Variants in TDRD9 observed in about 807,000 individuals in gnomAD.
TDRD9 encodes the protein tudor domain containing 9.
In TDRD9, 124 loss-of-function variants were observed where a neutral mutation model predicts 172.6. The observed-to-expected ratio is 0.72, with a 90% confidence interval of 0.62 to 0.83. TDRD9 has a LOEUF of 0.83. Ranked by LOEUF, TDRD9 falls within the 40% of genes least tolerant of loss-of-function variation. The probability of loss-of-function intolerance (pLI) is 0.00; values close to 1 mark genes in which losing one functional copy is unlikely to be tolerated. For missense variants in TDRD9, 1,479 were observed against 1,714.1 expected, an observed-to-expected ratio of 0.86 and a Z score of 2.42; for synonymous variants, 619 against 617.1, an observed-to-expected ratio of 1.00 and a Z score of -0.05.
rs1182631269 is a variant in TDRD9, at chr14:103,966,762, T to C, written c.696T>C (p.Thr232=). The change falls in exon 5 of 36, where the codon ACT becomes ACC. Residue 232 remains threonine, a synonymous_variant. Transcript: ENST00000409874. ...TEDTRLIYMT[T]GVLLQKIVSA... ...ACACCAGGCTAATTTATATGACAACTGGAGTCCTGCTTCAGAAAATAGTTA... is the reference window on the plus strand; with the variant it reads ...ACACCAGGCTAATTTATATGACAACCGGAGTCCTGCTTCAGAAAATAGTTA... The C allele has an allele frequency of 1.3e-6, 2 of 1,551,206 alleles. No homozygotes were observed. Among genetic ancestry groups the C allele is most frequent in the African/African-American group, 1.4e-5 (1 of 73,032 alleles).
intron 13 of TDRD9, among the ~76,000 whole-genome samples, chr14:104,000,098 C>T (rs192537649): frequency 2.6e-5 from 4 of 151,984 alleles, no homozygotes; most frequent in African/African-American, 9.7e-5. Flanking sequence ...GAGACTGAGG[C>T]GGGTAGATGC....
chr14:103,938,198 T>C (rs2152117433), intron 1 of TDRD9, among the ~76,000 whole-genome samples: 1 of 152,142 alleles, frequency 6.6e-6, no homozygotes, highest in Middle Eastern at 3.4e-3. Context: ...TGGATTGGGC[T>C]GGCTAGTAAT....
chr14:103,965,377 G>A lies in TDRD9; in HGVS notation c.465G>A (p.Gly155=). Residue 155 remains glycine, a synonymous_variant, in exon 4 of 36, where the codon GGG becomes GGA. Coordinates refer to ENST00000409874, the MANE Select transcript of TDRD9 (RefSeq NM_153046.3). ...GTAATTCCGTGGTGATTATCCATGG[G>A]GCCACGGGAAGCGGTAAAAGCACTC... ...IESNSVVIIH[G]ATGSGKSTQL... is the part of the protein sequence containing the mutation. 1 of 1,551,610 alleles carries A rather than the reference G, an allele frequency of 6.4e-7. No homozygotes were observed. The highest frequency in any genetic ancestry group is 8.7e-7 in the Non-Finnish European group (1 of 1,146,984).
intron 1 of TDRD9, among the ~76,000 whole-genome samples, chr14:103,930,760 A>G (rs1473910143): frequency 6.6e-6 from 1 of 152,184 alleles, no homozygotes; most frequent in Non-Finnish European, 1.5e-5. Flanking sequence ...ATGGTCCATC[A>G]CTTACTCCTT....
intron 6 of TDRD9, 66 bp downstream of exon 6, chr14:103,970,687 C>T (rs2032983087): frequency 2.3e-6 from 3 of 1,311,438 alleles, no homozygotes; most frequent in Admixed American, 4.0e-5. Flanking sequence ...TTTTGTTTCT[C>T]TCTATAGTCT....
intron 1 of TDRD9, chr14:103,941,619 A>G (rs2031240905): frequency 6.5e-7 from 1 of 1,535,208 alleles, no homozygotes; most frequent in Non-Finnish European, 8.7e-7. Flanking sequence ...AGTCTTTGTC[A>G]CTATGTCTGA....
At chr14:103,972,031 T>G (rs957978520) in intron 6 of TDRD9, among the ~76,000 whole-genome samples, 3 of 151,966 alleles carry the variant, frequency 2.0e-5, no homozygotes, top group African/African-American at 7.2e-5. Flanking sequence ...GTGGTGTGTG[T>G]CTGTGGTCCC....
chr14:103,953,118 A>G (rs958307340), intron 1 of TDRD9, among the ~76,000 whole-genome samples: 28 of 152,180 alleles, frequency 1.8e-4, no homozygotes, highest in African/African-American at 6.3e-4. Flanking sequence ...CCATGCTGTT[A>G]AACTAAAAGT....
chr14:104,016,190 C>A, intron 22 of TDRD9, 102 bp downstream of exon 22: 1 of 821,718 alleles, frequency 1.2e-6, no homozygotes. Flanking sequence ...GAATTTTCCC[C>A]TGGCGTGAAT....
chr14:104,033,195 C>A (rs1174588054), intron 30 of TDRD9, among the ~76,000 whole-genome samples: 1 of 152,180 alleles, frequency 6.6e-6, no homozygotes, highest in Non-Finnish European at 1.5e-5. Flanking sequence ...CTCAAAATGT[C>A]TTCCGGGGAG....
intron 34 of TDRD9, among the ~76,000 whole-genome samples, chr14:104,048,453 G>A (rs552884733): frequency 2.6e-5 from 4 of 152,066 alleles, no homozygotes; most frequent in Non-Finnish European, 5.9e-5. Context: ...GGCTTCCTAG[G>A]TGTTGTCCTT....
intron 29 of TDRD9, among the ~76,000 whole-genome samples, 171 bp downstream of exon 29, chr14:104,031,434 GT>G (rs754168905): frequency 2.8e-5 from 4 of 144,004 alleles, no homozygotes; most frequent in Non-Finnish European, 6.1e-5. Context: ...CTGGGGTTTA[GT>G]GTTTAGTGGG....
chr14:104,040,325 T>A lies in TDRD9; in HGVS notation c.3846T>A (p.Asp1282Glu). Residue 1282 changes from aspartate to glutamate, a missense_variant, in exon 33 of 36, where the codon GAT becomes GAA. Coordinates refer to ENST00000409874, the MANE Select transcript of TDRD9 (RefSeq NM_153046.3). ...LAFDVQFSVEDVVEVNILRAA... is the reference protein window; with the variant it reads ...LAFDVQFSVEEVVEVNILRAA... ...TTGACGTTCAATTCAGCGTGGAGGA[T>A]GTCGTCGAGGTAAGGGTAGTGCAGC... 6.5e-7 allele frequency: 1 copy of A among 1,550,172 alleles called. No individual in the cohort carries two copies. Among genetic ancestry groups the A allele is most frequent in the Non-Finnish European group, 8.7e-7 (1 of 1,146,006 alleles).
At chr14:103,994,132 C>T (rs1424496064) in intron 9 of TDRD9, among the ~76,000 whole-genome samples, 200 bp from the exon 10 acceptor site, 1 of 152,088 alleles carries the variant, frequency 6.6e-6, no homozygotes, top group African/African-American at 2.4e-5. Context: ...AGGGTTTTTC[C>T]CTATATTTTT....
chr14:103,941,969 C>G, intron 1 of TDRD9: 2 of 373,240 alleles, frequency 5.4e-6, no homozygotes, highest in South Asian at 1.0e-4. Flanking sequence ...GAATGATATC[C>G]GAAAATAACA....
chr14:104,007,277 C>A, intron 19 of TDRD9, 73 bp downstream of exon 19: 2 of 1,441,648 alleles, frequency 1.4e-6, no homozygotes, highest in South Asian at 1.2e-5. Context: ...TTGGTACAGT[C>A]ATAGCGTGTG....
At chr14:103,937,357 A>G (rs1462578055) in intron 1 of TDRD9, among the ~76,000 whole-genome samples, 1 of 152,114 alleles carries the variant, frequency 6.6e-6, no homozygotes, top group Non-Finnish European at 1.5e-5. Flanking sequence ...TTCTGTATTC[A>G]GTGCTTCCCG....
chr14:104,014,121 C>T (rs893453097), intron 20 of TDRD9, among the ~76,000 whole-genome samples: 21 of 151,100 alleles, frequency 1.4e-4, no homozygotes, highest in African/African-American at 4.1e-4. Flanking sequence ...CCCAGCTACT[C>T]GGGAAGCTGA....
intron 7 of TDRD9, among the ~76,000 whole-genome samples, chr14:103,977,630 CTTTT>C (rs766681794): frequency 8.7e-6 from 1 of 114,436 alleles, no homozygotes. Context: ...TGATTTCTTT[CTTTT>C]TTTTTTTTTT....
Sources: allele counts gnomAD v4.1 joint callset (sites outside exome capture counted in the v4.1 genomes callset), GRCh38; gene constraint gnomAD v4.1.1; transcripts MANE v1.5; gene names NCBI Gene and HGNC (gene_info 2026-07-23, HGNC 2026-07-21).